NKAIN3: variants seen among roughly 807,000 people sequenced by gnomAD.
NKAIN3 encodes sodium/potassium transporting ATPase interacting 3.
Under a neutral mutation model 30.2 loss-of-function variants are expected in NKAIN3, and 25 were observed. The ratio of observed to expected loss-of-function variants is 0.83; its 90% CI spans 0.60 to 1.16. The LOEUF (loss-of-function observed/expected upper bound fraction) is 1.16. Ranked by LOEUF, NKAIN3 falls within the 50% of genes most tolerant of loss-of-function variation. The pLI, the probability that NKAIN3 is intolerant of heterozygous loss-of-function variation, is 0.00. For missense variants in NKAIN3, 225 were observed against 254.1 expected (o/e 0.89, Z 0.78); for synonymous variants, 91 against 89.6 (o/e 1.02, Z -0.09).
rs900586992 is a variant in NKAIN3 at position 62,973,077 on chromosome 8, G to A, written c.*7670G>A. ...TTCTTTATCCGTTCTAACATTGATG[G>A]GCATTTGGGTTGGTTCCAAGTCTTT... On this transcript the variant is annotated 3_prime_UTR_variant, in exon 7 of 7. Coordinates refer to ENST00000623646, the MANE Select transcript of NKAIN3 (RefSeq NM_001304533.3). 6.6e-6 allele frequency among the ~76,000 whole-genome samples: 1 copy of A among 152,154 alleles called. No individual in the cohort carries two copies. The highest frequency in any genetic ancestry group is 1.5e-5 in the Non-Finnish European group (1 of 68,036).
intron 3 of NKAIN3, among the ~76,000 whole-genome samples, chr8:62,676,424 C>G (rs539555450): frequency 2.6e-5 from 4 of 152,280 alleles, no homozygotes; most frequent in Non-Finnish European, 4.4e-5. Flanking sequence ...AAAAAATTAG[C>G]TGGGTATGGT....
intron 1 of NKAIN3, among the ~76,000 whole-genome samples, chr8:62,384,084 T>G (rs920770322): frequency 2.2e-4 from 34 of 152,160 alleles, no homozygotes; most frequent in African/African-American, 7.5e-4. Flanking sequence ...CTATTCAAGG[T>G]TTACAGTATT....
At chr8:62,278,410 G>A (rs987739693) in intron 1 of NKAIN3, among the ~76,000 whole-genome samples, 4 of 151,952 alleles carry the variant, frequency 2.6e-5, no homozygotes, top group African/African-American at 9.7e-5. Context: ...TTAAGTTTTA[G>A]GGTACATGTG....
intron 3 of NKAIN3, among the ~76,000 whole-genome samples, chr8:62,632,972 G>A (rs954219984): frequency 2.6e-5 from 4 of 152,200 alleles, no homozygotes; most frequent in Middle Eastern, 3.4e-3. Flanking sequence ...TGGGAATGGA[G>A]GCAGAGTGGC....
Position 62,367,282 on chromosome 8 carries a change from G to A in NKAIN3, c.54+118155G>A, listed in dbSNP as rs566279366. Among the ~76,000 whole-genome samples the A allele has an allele frequency of 4.3e-4, 66 of 152,168 alleles. No individual in the cohort carries two copies. In the South Asian group the frequency reaches 9.7e-3, roughly 22 times the overall value. On this transcript the variant is annotated intron_variant, in intron 1 of 6. Transcript: ENST00000623646. Reference sequence around the variant, plus strand: ...GACAGTGTAAGAAAAAAAAAAATAGGGTGATGTCCCTGATGAACATAGATG... The same window carrying A: ...GACAGTGTAAGAAAAAAAAAAATAGAGTGATGTCCCTGATGAACATAGATG...
intron 1 of NKAIN3, among the ~76,000 whole-genome samples, chr8:62,266,449 T>C (rs1376480499): frequency 2.0e-5 from 3 of 152,148 alleles, no homozygotes; most frequent in African/African-American, 4.8e-5. Flanking sequence ...AATATACACA[T>C]ATGAAAGAAA....
chr8:62,572,667 A>T (rs1011431361), intron 1 of NKAIN3, among the ~76,000 whole-genome samples: 1 of 152,196 alleles, frequency 6.6e-6, no homozygotes, highest in Non-Finnish European at 1.5e-5. Flanking sequence ...GGTGAATGAC[A>T]CATTTCATTT....
chr8:62,953,565 A>G (rs1285375167), intron 5 of NKAIN3, among the ~76,000 whole-genome samples: 1 of 152,188 alleles, frequency 6.6e-6, no homozygotes, highest in Non-Finnish European at 1.5e-5. Flanking sequence ...AGGAGACAGT[A>G]TATCTTTTGA....
intron 1 of NKAIN3, among the ~76,000 whole-genome samples, chr8:62,370,904 G>A (rs558946937): frequency 4.1e-4 from 63 of 152,054 alleles, no homozygotes; most frequent in Admixed American, 1.5e-3. Context: ...ACCAATGAAA[G>A]TAGATGCACC....
intron 4 of NKAIN3, among the ~76,000 whole-genome samples, chr8:62,896,760 G>T (rs1272179855): frequency 6.6e-6 from 1 of 152,162 alleles, no homozygotes; most frequent in Non-Finnish European, 1.5e-5. Flanking sequence ...CCTAATAATT[G>T]CAGTCTAGTT....
intron 1 of NKAIN3, among the ~76,000 whole-genome samples, chr8:62,284,731 T>C (rs1813319072): frequency 6.6e-6 from 1 of 151,884 alleles, no homozygotes; most frequent in Non-Finnish European, 1.5e-5. Flanking sequence ...GCACTCTGGG[T>C]AGAAAAACAG....
chr8:62,785,454 G>A (rs1250157601), intron 4 of NKAIN3, among the ~76,000 whole-genome samples: 1 of 152,102 alleles, frequency 6.6e-6, no homozygotes, highest in East Asian at 1.9e-4. Context: ...GAGAGTGACT[G>A]TTAATGGGCA....
At chr8:62,859,592 A>G (rs1820179944) in intron 4 of NKAIN3, among the ~76,000 whole-genome samples, 1 of 151,608 alleles carries the variant, frequency 6.6e-6, no homozygotes, top group Non-Finnish European at 1.5e-5. Context: ...CCACATAAAT[A>G]TATACATATA....
At chr8:62,507,267 G>A (rs1807672346) in intron 1 of NKAIN3, among the ~76,000 whole-genome samples, 1 of 152,168 alleles carries the variant, frequency 6.6e-6, no homozygotes, top group Non-Finnish European at 1.5e-5. Context: ...TGTGAACAAA[G>A]CGTAAATGCT....
Position 62,983,391 on chromosome 8 carries a change from A to C in NKAIN3, c.*17984A>C, listed in dbSNP as rs1388026379. Reference sequence around the variant, plus strand: ...AGTGCTTTTCTTCTTCCAGTTTCAGAGCCCCAGCGATCCCAGGATGAAGGA... The same window carrying C: ...AGTGCTTTTCTTCTTCCAGTTTCAGCGCCCCAGCGATCCCAGGATGAAGGA... On this transcript the variant is annotated 3_prime_UTR_variant, in exon 7 of 7. Coordinates refer to ENST00000623646, the MANE Select transcript of NKAIN3 (RefSeq NM_001304533.3). The C allele has an allele frequency of 6.6e-6, 1 of 152,162 alleles. No individual in the cohort carries two copies. Among genetic ancestry groups the C allele is most frequent in the East Asian group, 1.9e-4 (1 of 5,200 alleles). The allele number at this position is 152,162 out of a possible 1,614,324, so 9.4% of individuals were successfully genotyped here. A position where few individuals can be genotyped will look rare whatever the true frequency, so the allele number is the denominator to read the frequency against.
rs193009004 is a variant in NKAIN3, at chr8:62,311,839, C to T, written c.54+62712C>T. Among the ~76,000 whole-genome samples, 7 of 150,458 alleles carry T rather than the reference C, an allele frequency of 4.7e-5. No homozygotes were observed. In the East Asian group the frequency reaches 1.4e-3, roughly 29 times the overall value. On this transcript the variant is annotated intron_variant, in intron 1 of 6. Transcript: ENST00000623646. Reference sequence around the variant, plus strand: ...GTGAGCTCCCTTTCCCACATCTGAACTCTAAATTCCATTCTCCCACTCTGC... The same window carrying T: ...GTGAGCTCCCTTTCCCACATCTGAATTCTAAATTCCATTCTCCCACTCTGC...
At chr8:62,319,895 TTC>T (rs1479907947) in intron 1 of NKAIN3, among the ~76,000 whole-genome samples, 1 of 152,162 alleles carries the variant, frequency 6.6e-6, no homozygotes. Flanking sequence ...CTTGTTAACT[TTC>T]TGTCTCGTTG....
intron 1 of NKAIN3, among the ~76,000 whole-genome samples, chr8:62,329,811 G>A (rs921997220): frequency 3.3e-5 from 5 of 152,088 alleles, no homozygotes; most frequent in African/African-American, 1.2e-4. Flanking sequence ...ACAGGTGCCT[G>A]TGTCTTTATG....
At chr8:62,465,136 A>G (rs1806122015) in intron 1 of NKAIN3, among the ~76,000 whole-genome samples, 2 of 152,180 alleles carry the variant, frequency 1.3e-5, no homozygotes, top group African/African-American at 4.8e-5. Flanking sequence ...GATTAAAGAG[A>G]TTGCTTAACT....
Sources: gnomAD v4.1 joint callset for allele counts (sites outside exome capture counted in the v4.1 genomes callset) on GRCh38, gnomAD v4.1.1 for gene constraint, MANE v1.5 for transcripts, NCBI Gene and HGNC (gene_info 2026-07-23, HGNC 2026-07-21) for gene names.